Variants in GRK5 observed in about 807,000 individuals in gnomAD.
GRK5 encodes the protein g protein-coupled receptor kinase GRK5.
GRK5 carries 40 observed loss-of-function variants against 78.4 expected under a neutral mutation model. The observed-to-expected ratio is 0.51, with a 90% confidence interval of 0.40 to 0.66. The LOEUF is 0.66. Ranked by LOEUF, GRK5 falls within the 30% of genes least tolerant of loss-of-function variation. The probability of loss-of-function intolerance (pLI) is 0.00; values close to 1 mark genes in which losing one functional copy is unlikely to be tolerated. For missense variants in GRK5, 598 were observed against 759.9 expected (o/e 0.79, Z 2.50); for synonymous variants, 289 against 296.8 (o/e 0.97, Z 0.27).
At chr10:119,291,785 C>T (rs1482539710) in intron 1 of GRK5, among the ~76,000 whole-genome samples, 3 of 150,302 alleles carry the variant, frequency 2.0e-5, no homozygotes, top group African/African-American at 7.4e-5. Context: ...TCCTCATCCT[C>T]CTCCTTCTTC....
chr10:119,448,398 A>C (rs1353145116), intron 13 of GRK5, 138 bp downstream of exon 13: 2 of 943,566 alleles, frequency 2.1e-6, no homozygotes, highest in Non-Finnish European at 3.1e-6. Flanking sequence ...CCTCCCGGCC[A>C]CTCCTCACCT....
At chr10:119,346,889 G>A (rs549752325) in intron 2 of GRK5, among the ~76,000 whole-genome samples, 4 of 152,300 alleles carry the variant, frequency 2.6e-5, no homozygotes, top group Middle Eastern at 3.4e-3. Context: ...GCCTCCTCTC[G>A]GGCCCGTGTG....
intron 2 of GRK5, among the ~76,000 whole-genome samples, chr10:119,366,120 C>T (rs545230021): frequency 6.7e-6 from 1 of 148,794 alleles, no homozygotes; most frequent in African/African-American, 2.5e-5. Flanking sequence ...GGTCTCAGCA[C>T]AGGAATGTGC....
intron 1 of GRK5, among the ~76,000 whole-genome samples, chr10:119,229,696 C>A (rs182806876): frequency 6.6e-6 from 1 of 152,116 alleles, no homozygotes; most frequent in Non-Finnish European, 1.5e-5. Context: ...ACAGAGGCAG[C>A]CTTGATGGGG....
At chr10:119,443,779 C>G in intron 12 of GRK5, 27 bp downstream of exon 12, 1 of 1,566,284 alleles carries the variant, frequency 6.4e-7, no homozygotes, top group Non-Finnish European at 8.7e-7. Context: ...CAGATGCCAC[C>G]CTCAAGCTGG....
At chr10:119,260,209 G>GC (rs1849351472) in intron 1 of GRK5, among the ~76,000 whole-genome samples, 1 of 152,050 alleles carries the variant, frequency 6.6e-6, no homozygotes, top group Non-Finnish European at 1.5e-5. Flanking sequence ...CATCGTGTTA[G>GC]CCAGGATGGT....
intron 1 of GRK5, among the ~76,000 whole-genome samples, chr10:119,313,208 A>AGTG (rs1455734323): frequency 1.3e-5 from 1 of 75,398 alleles, no homozygotes; most frequent in Non-Finnish European, 3.0e-5. Flanking sequence ...TGGTAATGGT[A>AGTG]GTGGTGGTGG....
At chr10:119,212,367 C>T (rs1009276476) in intron 1 of GRK5, among the ~76,000 whole-genome samples, 8 of 152,198 alleles carry the variant, frequency 5.3e-5, no homozygotes, top group Admixed American at 5.2e-4. Flanking sequence ...TTCTAAACTC[C>T]AAAGTGCTTG....
chr10:119,320,032 AG>A (rs1415344880), intron 1 of GRK5, among the ~76,000 whole-genome samples: 1 of 152,246 alleles, frequency 6.6e-6, no homozygotes, highest in Non-Finnish European at 1.5e-5. Flanking sequence ...TGATCCAGAC[AG>A]GGGGCTCTGC....
chr10:119,252,465 T>G (rs546041781), intron 1 of GRK5, among the ~76,000 whole-genome samples: 1 of 152,192 alleles, frequency 6.6e-6, no homozygotes, highest in South Asian at 2.1e-4. Flanking sequence ...GCCAGAACCC[T>G]GAGCTGGGTG....
intron 2 of GRK5, among the ~76,000 whole-genome samples, chr10:119,371,019 C>A (rs930536639): frequency 2.1e-5 from 3 of 146,068 alleles, no homozygotes; most frequent in Non-Finnish European, 4.5e-5. Context: ...CATGTGGTTT[C>A]ATTTCCAAGA....
chr10:119,453,243 G>A lies in GRK5; in HGVS notation c.1641G>A (p.Lys547=). The change falls in exon 15 of 16, where the codon AAG becomes AAA. Residue 547 remains lysine (K), a synonymous_variant. Transcript: ENST00000392870. Reference sequence around the variant, plus strand: ...GAAACCACCCTCCGGAACCGCCCAAGAAAGGGCTGCTCCAGAGACTCTTCA... The same window carrying A: ...GAAACCACCCTCCGGAACCGCCCAAAAAAGGGCTGCTCCAGAGACTCTTCA... ...LNRNHPPEPP[K]KGLLQRLFKR... is the part of the protein sequence containing the mutation. 1.2e-6 allele frequency: 2 copies of A among 1,614,112 alleles called. No homozygotes were observed. The highest frequency in any genetic ancestry group is 1.7e-6 in the Non-Finnish European group (2 of 1,179,998).
rs1330260440 is a variant in GRK5, at chr10:119,394,458, G to A, written c.262-2237G>A. Among the ~76,000 whole-genome samples the A allele has an allele frequency of 8.0e-5, 6 of 75,010 alleles. 2 individuals are homozygous for A. The highest frequency in any genetic ancestry group is 1.7e-4 in the Non-Finnish European group (6 of 35,916). 49.2% of individuals were successfully genotyped at this position (75,010 alleles called of 152,430 possible). On this transcript the variant is annotated intron_variant, in intron 3 of 15. Transcript: ENST00000392870. ...TATGGGTGTGTGTATCTGCTTAGTG[G>A]GCACGTGTGTGGATGTGTGTGGGTG...
rs1041577902 is a variant in GRK5 at position 119,224,392 on chromosome 10, A to T, written c.52+16423A>T. ...CCCACTATTTATTTATTAATTTATTATTTATTTATTTATTTATTTATTTAT... is the reference window on the plus strand; with the variant it reads ...CCCACTATTTATTTATTAATTTATTTTTTATTTATTTATTTATTTATTTAT... On this transcript the variant is annotated intron_variant, in intron 1 of 15. Coordinates refer to ENST00000392870, the MANE Select transcript of GRK5 (RefSeq NM_005308.3). Among the ~76,000 whole-genome samples, 18 of 16,720 alleles carry T rather than the reference A, an allele frequency of 1.1e-3. No homozygotes were observed. In the Admixed American group the frequency reaches 0.012, roughly 11 times the overall value. 11.0% of individuals were successfully genotyped at this position (16,720 alleles called of 152,430 possible).
chr10:119,269,862 G>A (rs376728573), intron 1 of GRK5, among the ~76,000 whole-genome samples: 20 of 148,038 alleles, frequency 1.4e-4, no homozygotes, highest in African/African-American at 4.9e-4. Context: ...AAAAGTTGCT[G>A]AGTTGGCTCT....
At chr10:119,357,260 G>A (rs1312447661) in intron 2 of GRK5, among the ~76,000 whole-genome samples, 2 of 152,220 alleles carry the variant, frequency 1.3e-5, no homozygotes, top group Non-Finnish European at 2.9e-5. Flanking sequence ...AGTCACAAAT[G>A]GGGGGTAGGG....
chr10:119,210,085 C>T (rs1384353676), intron 1 of GRK5, among the ~76,000 whole-genome samples: 1 of 152,094 alleles, frequency 6.6e-6, no homozygotes, highest in African/African-American at 2.4e-5. Flanking sequence ...GTGGAGTGAC[C>T]GACTCCCATT....
intron 8 of GRK5, among the ~76,000 whole-genome samples, chr10:119,432,480 T>G (rs1852839251): frequency 6.6e-6 from 1 of 152,124 alleles, no homozygotes; most frequent in Non-Finnish European, 1.5e-5. Flanking sequence ...TTAAAAATAA[T>G]ATATACACAA....
At chr10:119,429,402 T>C (rs1440669896) in intron 6 of GRK5, among the ~76,000 whole-genome samples, 1 of 151,794 alleles carries the variant, frequency 6.6e-6, no homozygotes, top group Non-Finnish European at 1.5e-5. Flanking sequence ...TCGGGACTTT[T>C]GAGGAATTTA....
Sources: gnomAD v4.1 joint callset for allele counts (sites outside exome capture counted in the v4.1 genomes callset) on GRCh38, gnomAD v4.1.1 for gene constraint, MANE v1.5 for transcripts, NCBI Gene and HGNC (gene_info 2026-07-23, HGNC 2026-07-21) for gene names.